The following UGT1A7 variants were observed in gnomAD, a reference collection of about 807,000 sequenced individuals.
UGT1A7 encodes the protein UDP glucuronosyltransferase family 1 member A7.
A neutral mutation model predicts 45.6 loss-of-function variants in UGT1A7; 33 were observed. The observed-to-expected ratio is 0.72, with a 90% confidence interval of 0.55 to 0.97. The LOEUF (loss-of-function observed/expected upper bound fraction) is 0.97, where lower values mean the gene tolerates loss of function less well. Ranked by LOEUF, UGT1A7 falls within the 50% of genes least tolerant of loss-of-function variation. The pLI, the probability that UGT1A7 is intolerant of heterozygous loss-of-function variation, is 0.00. For synonymous variants in UGT1A7, 274 were observed against 250.6 expected (o/e 1.09, Z -0.88); for missense variants, 684 against 666.2 (o/e 1.03, Z -0.29).
intron 1 of UGT1A7, chr2:233,747,208 G>A (rs1315527949): frequency 4.4e-6 from 7 of 1,605,016 alleles, no homozygotes; most frequent in Non-Finnish European, 5.1e-6. Flanking sequence ...CGTGTCTTCT[G>A]CTGAGATGGC....
intron 1 of UGT1A7, chr2:233,693,799 G>T (rs1193505615): frequency 6.2e-7 from 1 of 1,614,036 alleles, no homozygotes; most frequent in Non-Finnish European, 8.5e-7. Flanking sequence ...AATATCCTAG[G>T]CCGGTCATGC....
intron 1 of UGT1A7, among the ~76,000 whole-genome samples, chr2:233,688,751 A>G (rs969172719): frequency 1.3e-5 from 2 of 152,216 alleles, no homozygotes; most frequent in Admixed American, 6.5e-5. Flanking sequence ...TATGGCCATA[A>G]TCAAATGAAC....
chr2:233,718,773 C>T (rs374057137), intron 1 of UGT1A7: 12 of 1,612,730 alleles, frequency 7.4e-6, no homozygotes, highest in Non-Finnish European at 8.5e-6. Context: ...ACAAATGTAG[C>T]AGGCACAGCG....
intron 1 of UGT1A7, chr2:233,718,684 C>T (rs926562012): frequency 4.8e-5 from 76 of 1,577,802 alleles, no homozygotes; most frequent in East Asian, 2.5e-4. Context: ...TAATAAGTAA[C>T]TGGAGGAGGG....
At chr2:233,760,301 C>G (rs1697391714) in intron 1 of UGT1A7, 1 of 1,613,532 alleles carries the variant, frequency 6.2e-7, no homozygotes, top group South Asian at 1.1e-5. Flanking sequence ...GCTGTGGAGT[C>G]CCAGGGCGGA....
intron 1 of UGT1A7, among the ~76,000 whole-genome samples, chr2:233,757,535 A>AATGTATATATATATATATATATAT (rs1696552153): frequency 1.1e-5 from 1 of 88,312 alleles, no homozygotes; most frequent in Non-Finnish European, 2.2e-5. Context: ...GCCTGTAAGG[A>AATGTATATATATATATATATATAT]ATATATATAT....
chr2:233,701,317 C>A lies in UGT1A7; in HGVS notation c.855+18525C>A, dbSNP rs28899174. 9.8e-3 allele frequency among the ~76,000 whole-genome samples: 1,493 copies of A among 152,208 alleles called. 22 individuals are homozygous for A. The highest frequency in any genetic ancestry group is 0.034 in the African/African-American group (1,425 of 41,526). On this transcript the variant is annotated intron_variant, in intron 1 of 4. Coordinates refer to ENST00000373426, the MANE Select transcript of UGT1A7 (RefSeq NM_019077.3). ...CACACTGTCTTCCACAATGGTTGAA[C>A]TAGTTTACAGTCCCACCAACAGTGT... is the stretch of plus-strand genomic sequence containing the variant.
At chr2:233,747,962 C>G (rs780665543) in intron 1 of UGT1A7, 4 of 1,613,470 alleles carry the variant, frequency 2.5e-6, no homozygotes, top group Non-Finnish European at 2.5e-6. Context: ...ATCTTCTCAG[C>G]CATGCATCTG....
At chr2:233,697,865 T>C (rs944784384) in intron 1 of UGT1A7, among the ~76,000 whole-genome samples, 24 of 152,350 alleles carry the variant, frequency 1.6e-4, no homozygotes, top group African/African-American at 5.8e-4. Flanking sequence ...TATGCATTTA[T>C]TTAATGATTT....
chr2:233,687,313 T>G (rs2074832354), intron 1 of UGT1A7, among the ~76,000 whole-genome samples: 1 of 152,142 alleles, frequency 6.6e-6, no homozygotes, highest in African/African-American at 2.4e-5. Context: ...TGTTGTCTTC[T>G]TGATGCAAGT....
At chr2:233,763,725 A>G (rs557422136) in intron 1 of UGT1A7, among the ~76,000 whole-genome samples, 3 of 152,232 alleles carry the variant, frequency 2.0e-5, no homozygotes, top group South Asian at 2.1e-4. Flanking sequence ...AGAAAGCACA[A>G]CCTGGCATTG....
intron 1 of UGT1A7, among the ~76,000 whole-genome samples, chr2:233,703,264 TTC>T (rs371511491): frequency 1.3e-5 from 2 of 152,208 alleles, no homozygotes; most frequent in African/African-American, 4.8e-5. Flanking sequence ...TTATAATACT[TTC>T]TGTTTCTGTA....
At position 233,697,329 on chromosome 2, in the gene UGT1A7, T is replaced by A. The variant is rs545927444; in HGVS notation, c.855+14537T>A. Among the ~76,000 whole-genome samples the A allele has an allele frequency of 3.3e-5, 5 of 152,252 alleles. No homozygotes were observed. The East Asian group carries it at 9.6e-4, about 29-fold the overall frequency. The stretch of plus-strand genomic sequence containing the variant: ...GGTAGATTGTTTGTGTTTGGAAATG[T>A]ATCCATTTCCTCTAGGTTTTCTAAT... On this transcript the variant is annotated intron_variant, in intron 1 of 4. Transcript: ENST00000373426.
At chr2:233,768,775 G>A (rs577472067) in intron 4 of UGT1A7, among the ~76,000 whole-genome samples, 18 of 151,802 alleles carry the variant, frequency 1.2e-4, no homozygotes, top group Admixed American at 9.2e-4. Flanking sequence ...GTAGAGAAAG[G>A]GTTTCACCAT....
Position 233,724,773 on chromosome 2 carries a change from C to T in UGT1A7, c.855+41981C>T, listed in dbSNP as rs1185900341. 1.4e-5 allele frequency among the ~76,000 whole-genome samples: 2 copies of T among 142,472 alleles called. 1 individual carries two copies. Among genetic ancestry groups the T allele is most frequent in the African/African-American group, 5.4e-5 (2 of 37,242 alleles). 93.5% of individuals were successfully genotyped at this position (142,472 alleles called of 152,430 possible). ...CAGACGATGGGCGGCCAGGCAGAGACACTCCTCACTTCCCAGACGGGGTGG... is the reference window on the plus strand; with the variant it reads ...CAGACGATGGGCGGCCAGGCAGAGATACTCCTCACTTCCCAGACGGGGTGG... On this transcript the variant is annotated intron_variant, in intron 1 of 4. Transcript: ENST00000373426.
chr2:233,758,615 C>CA (rs1696924799), intron 1 of UGT1A7, among the ~76,000 whole-genome samples: 1 of 152,110 alleles, frequency 6.6e-6, no homozygotes, highest in Non-Finnish European at 1.5e-5. Flanking sequence ...TGTGCATGTG[C>CA]ATGCAAAGTA....
Position 233,772,498 on chromosome 2 carries a change from A to C in UGT1A7, c.1532A>C (p.Tyr511Ser). The change falls in exon 5 of 5, where the codon TAC (tyrosine) becomes TCC (serine). Residue 511 changes from tyrosine to serine, a missense_variant. Physicochemically the swap from Tyr to Ser is moderately radical, Grantham distance 144 (BLOSUM62 -2). Coordinates refer to ENST00000373426, the MANE Select transcript of UGT1A7 (RefSeq NM_019077.3). ...FITFKCCAYG[Y>S]RKCLGKKGRV... is the part of the protein sequence containing the mutation. ...ACCTTTAAATGTTGTGCTTATGGCTACCGGAAATGCTTGGGGAAAAAAGGG... is the reference window on the plus strand; with the variant it reads ...ACCTTTAAATGTTGTGCTTATGGCTCCCGGAAATGCTTGGGGAAAAAAGGG... 1.2e-6 allele frequency: 2 copies of C among 1,614,186 alleles called. No individual in the cohort carries two copies. The highest frequency in any genetic ancestry group is 2.2e-5 in the South Asian group (2 of 91,082).
intron 1 of UGT1A7, among the ~76,000 whole-genome samples, chr2:233,764,157 G>A (rs1698491746): frequency 6.6e-6 from 1 of 152,190 alleles, no homozygotes; most frequent in African/African-American, 2.4e-5. Flanking sequence ...GGCTGGTGAA[G>A]TCTCATCAGA....
chr2:233,736,731 G>A (rs2078799563), intron 1 of UGT1A7, among the ~76,000 whole-genome samples: 1 of 151,600 alleles, frequency 6.6e-6, no homozygotes, highest in Non-Finnish European at 1.5e-5. Context: ...TGATGTTTAT[G>A]CTGTTCCTTT....
Sources: allele counts gnomAD v4.1 joint callset (sites outside exome capture counted in the v4.1 genomes callset), GRCh38; gene constraint gnomAD v4.1.1; transcripts MANE v1.5; gene names NCBI Gene and HGNC (gene_info 2026-07-23, HGNC 2026-07-21).